The following ANKS1B variants were observed in gnomAD, a reference collection of about 807,000 sequenced individuals.
ANKS1B encodes the protein ankyrin repeat and sterile alpha motif domain-containing protein 1B.
In ANKS1B, 36 loss-of-function variants were observed where a neutral mutation model predicts 148.3. The observed-to-expected ratio is 0.24, with a 90% CI of 0.19 to 0.32. The LOEUF is 0.32. Among genes scored for constraint, ANKS1B ranks in the 10% least tolerant of loss-of-function variants. The probability of loss-of-function intolerance (pLI) is 1.00; values close to 1 mark genes in which losing one functional copy is unlikely to be tolerated. For synonymous variants in ANKS1B, 542 were observed against 560.8 expected, an observed-to-expected ratio of 0.97 and a Z score of 0.47; for missense variants, 1,157 against 1,542.6, an observed-to-expected ratio of 0.75 and a Z score of 4.19.
At chr12:99,643,835 A>C (rs2153424340) in intron 9 of ANKS1B, among the ~76,000 whole-genome samples, 1 of 152,296 alleles carries the variant, frequency 6.6e-6, no homozygotes, top group East Asian at 1.9e-4. Context: ...CTCTTCAAAG[A>C]GCCCTCTGTG....
rs1368948585 is a variant in ANKS1B at position 98,827,769 on chromosome 12, A to G, written c.3066+1405T>C. Among the ~76,000 whole-genome samples, 3 of 152,212 alleles carry G rather than the reference A, an allele frequency of 2.0e-5. No homozygotes were observed. In the East Asian group the frequency reaches 5.8e-4, roughly 29 times the overall value. On this transcript the variant is annotated intron_variant, in intron 19 of 26. Coordinates refer to ENST00000683438, the MANE Select transcript of ANKS1B (RefSeq NM_001352186.2). ...CAGTCAATAATAGCTAATGCTCATT[A>G]AAGAACTATACTCCCTTACCCAGGG...
At chr12:98,872,731 T>G (rs1013634225) in intron 17 of ANKS1B, among the ~76,000 whole-genome samples, 3 of 152,106 alleles carry the variant, frequency 2.0e-5, no homozygotes, top group Admixed American at 2.0e-4. Flanking sequence ...TGCTGATACC[T>G]TGATCAGCTG....
chr12:99,632,748 TATATATATATATATATATA>T (rs2098178479), intron 9 of ANKS1B, among the ~76,000 whole-genome samples: 6 of 110,274 alleles, frequency 5.4e-5, no homozygotes, highest in South Asian at 3.0e-4. Context: ...TATATATATA[TATATATATATATATATATA>T]TTTTAATTAT....
intron 9 of ANKS1B, among the ~76,000 whole-genome samples, chr12:99,544,976 A>G (rs1160979157): frequency 6.6e-6 from 1 of 152,182 alleles, no homozygotes; most frequent in East Asian, 1.9e-4. Context: ...CCCTGGCTAC[A>G]TTATCTGACT....
At chr12:99,665,078 TAA>T (rs372289726) in intron 8 of ANKS1B, among the ~76,000 whole-genome samples, 2 of 152,324 alleles carry the variant, frequency 1.3e-5, no homozygotes, top group African/African-American at 4.8e-5. Context: ...AAGTCGCCAT[TAA>T]CATTCACATT....
Position 99,682,642 on chromosome 12 carries a change from C to T in ANKS1B, c.1129-27432G>A, listed in dbSNP as rs138576533. ...GAAAGTTCATAGCATTAAATGCCTA[C>T]ATCAAAGAGTCTGAAAGAGCACATA... is the stretch of plus-strand genomic sequence containing the variant. On this transcript the variant is annotated intron_variant, in intron 8 of 26. Coordinates refer to ENST00000683438, the MANE Select transcript of ANKS1B (RefSeq NM_001352186.2). Among the ~76,000 whole-genome samples, 12 of 152,252 alleles carry T rather than the reference C, an allele frequency of 7.9e-5. 1 individual carries two copies. The highest frequency in any genetic ancestry group is 2.6e-4 in the Admixed American group (4 of 15,290).
At chr12:99,386,655 A>G (rs954685389) in intron 12 of ANKS1B, among the ~76,000 whole-genome samples, 3 of 152,210 alleles carry the variant, frequency 2.0e-5, no homozygotes, top group African/African-American at 7.2e-5. Context: ...CTAGAGTGAA[A>G]TTAATGATTT....
At chr12:99,330,693 G>C (rs59891196) in intron 12 of ANKS1B, among the ~76,000 whole-genome samples, 22,365 of 151,874 alleles carry the variant, frequency 0.15, 1,927 homozygotes, top group African/African-American at 0.24. Context: ...TGCATAATTA[G>C]ATGTTTCCAG....
intron 1 of ANKS1B, among the ~76,000 whole-genome samples, chr12:99,855,041 T>A (rs980952177): frequency 6.6e-6 from 1 of 151,960 alleles, no homozygotes; most frequent in African/African-American, 2.4e-5. Flanking sequence ...AATAAAATAG[T>A]ACCTCACATC....
At chr12:99,865,087 T>C (rs1441520787) in intron 1 of ANKS1B, among the ~76,000 whole-genome samples, 1 of 152,220 alleles carries the variant, frequency 6.6e-6, no homozygotes. Flanking sequence ...AAGAGCCAGA[T>C]AGGTATTGGT....
intron 14 of ANKS1B, among the ~76,000 whole-genome samples, chr12:99,222,081 CAAGATA>C (rs1170658466): frequency 6.6e-6 from 1 of 151,804 alleles, no homozygotes; most frequent in African/African-American, 2.4e-5. Context: ...GTTAAAAAAA[CAAGATA>C]AAGAACAGAA....
rs114062514 is a variant in ANKS1B at position 99,780,572 on chromosome 12, A to G, written c.746-600T>C. ...GCTGGGATTACAGGCTTGAGCCACCACGCCCGGCTGACCCTATGGTATCTT... is the reference window on the plus strand; with the variant it reads ...GCTGGGATTACAGGCTTGAGCCACCGCGCCCGGCTGACCCTATGGTATCTT... On this transcript the variant is annotated intron_variant, in intron 5 of 26. Transcript: ENST00000683438. 4.7e-3 allele frequency among the ~76,000 whole-genome samples: 718 copies of G among 152,078 alleles called. 2 individuals carry two copies. Among genetic ancestry groups the G allele is most frequent in the African/African-American group, 0.012 (506 of 41,476 alleles).
At chr12:99,009,136 T>A (rs2099937834) in intron 17 of ANKS1B, among the ~76,000 whole-genome samples, 1 of 152,222 alleles carries the variant, frequency 6.6e-6, no homozygotes, top group Non-Finnish European at 1.5e-5. Context: ...TACTTCAGGC[T>A]GCCATGAAAA....
intron 17 of ANKS1B, among the ~76,000 whole-genome samples, chr12:98,844,228 T>C (rs1159689123): frequency 6.6e-6 from 1 of 152,246 alleles, no homozygotes; most frequent in Non-Finnish European, 1.5e-5. Context: ...TGTAAAATGA[T>C]GGAGCTAAGA....
chr12:99,390,079 A>C (rs1251865728), intron 12 of ANKS1B, among the ~76,000 whole-genome samples: 2 of 152,176 alleles, frequency 1.3e-5, no homozygotes, highest in Non-Finnish European at 2.9e-5. Flanking sequence ...GAATTCTAAA[A>C]TTTCAGGCTC....
At chr12:99,332,161 C>T (rs982853934) in intron 12 of ANKS1B, among the ~76,000 whole-genome samples, 3 of 151,982 alleles carry the variant, frequency 2.0e-5, no homozygotes, top group Non-Finnish European at 4.4e-5. Context: ...GCATTGGCAT[C>T]TCCTAGGAGC....
At chr12:99,562,535 G>A (rs1318422179) in intron 9 of ANKS1B, among the ~76,000 whole-genome samples, 1 of 152,212 alleles carries the variant, frequency 6.6e-6, no homozygotes, top group Non-Finnish European at 1.5e-5. Flanking sequence ...CTGAGGCTGA[G>A]TAATTTATAA....
Position 98,744,682 on chromosome 12 carries a change from T to C in ANKS1B, c.*1057A>G, listed in dbSNP as rs2097844502. The C allele has an allele frequency of 4.2e-6, 4 of 956,314 alleles. No individual in the cohort carries two copies. The highest frequency in any genetic ancestry group is 4.8e-5 in the South Asian group (1 of 20,676). The allele number at this position is 956,314 out of a possible 1,614,324, so 59.2% of individuals were successfully genotyped here. On this transcript the variant is annotated 3_prime_UTR_variant, in exon 27 of 27. Coordinates refer to ENST00000683438, the MANE Select transcript of ANKS1B (RefSeq NM_001352186.2). The stretch of plus-strand genomic sequence containing the variant: ...TTTTATTACTTTGGAATTTCTTCTT[T>C]TTTTTTTTTGTATTTATTTTTTCTA...
Position 98,751,218 on chromosome 12 carries a change from G to T in ANKS1B, c.3747+137C>A. 1 of 864,302 alleles carries T rather than the reference G, an allele frequency of 1.2e-6. No individual in the cohort carries two copies. The highest frequency in any genetic ancestry group is 1.8e-6 in the Non-Finnish European group (1 of 566,230). The allele number at this position is 864,302 out of a possible 1,614,324, so 53.5% of individuals were successfully genotyped here. On this transcript the variant is annotated intron_variant, in intron 26 of 26. Coordinates refer to ENST00000683438, the MANE Select transcript of ANKS1B (RefSeq NM_001352186.2). This position sits in a 1 kb window ranked among gnomAD's most constrained non-coding sequence, Gnocchi z 4.3. ...CAGGCAGAGGTGATGATGGACACAT[G>T]CCAGGAGGAGGCCAAGGGAAAGGAT...
Sources: allele counts gnomAD v4.1 joint callset (sites outside exome capture counted in the v4.1 genomes callset), GRCh38; gene constraint gnomAD v4.1.1; non-coding constraint Gnocchi (gnomAD v3.1); transcripts MANE v1.5; gene names NCBI Gene and HGNC (gene_info 2026-07-23, HGNC 2026-07-21).